ZFHX3: variants seen among roughly 807,000 people sequenced by gnomAD.
The protein encoded by ZFHX3 is zinc finger homeobox 3, also known as zinc finger homeobox protein 3.
In ZFHX3, 42 loss-of-function variants were observed where a neutral mutation model predicts 279.1. The ratio of observed to expected loss-of-function variants is 0.15; its 90% confidence interval spans 0.12 to 0.19. ZFHX3 has a LOEUF of 0.19. Among genes scored for constraint, ZFHX3 ranks in the 10% least tolerant of loss-of-function variants. The pLI is 1.00. For synonymous variants in ZFHX3, 2,293 were observed against 1,957.8 expected (o/e 1.17, Z -4.52); for missense variants, 4,981 against 4,754.0 (o/e 1.05, Z -1.40).
intron 1 of ZFHX3, among the ~76,000 whole-genome samples, chr16:73,849,772 GC>G: frequency 6.6e-6 from 1 of 152,108 alleles, no homozygotes; most frequent in Non-Finnish European, 1.5e-5. Flanking sequence ...TCGCTCTGTC[GC>G]CCAGGCTAGA....
At position 73,792,638 on chromosome 16, in the gene ZFHX3, T is replaced by C. The variant is rs944229166; in HGVS notation, c.-1608+99013A>G. 3.3e-4 allele frequency among the ~76,000 whole-genome samples: 50 copies of C among 152,118 alleles called. 1 individual carries two copies. The highest frequency in any genetic ancestry group is 3.2e-3 in the Admixed American group (49 of 15,276). ...CCTCCTTTAAGTTAAAAGGGTGAAA[T>C]TGTGGACCTAAGGGCTGATTTACAG... On this transcript the variant is annotated intron_variant, in intron 1 of 17. Transcript: ENST00000641206.
chr16:73,865,401 G>A (rs750975284), intron 1 of ZFHX3, among the ~76,000 whole-genome samples: 11 of 152,164 alleles, frequency 7.2e-5, no homozygotes, highest in African/African-American at 1.4e-4. Flanking sequence ...GTTTGGGGCC[G>A]GTGTGGGGTG....
intron 2 of ZFHX3, among the ~76,000 whole-genome samples, chr16:73,554,493 G>T (rs757729059): frequency 2.0e-5 from 3 of 152,130 alleles, no homozygotes; most frequent in Admixed American, 6.5e-5. Flanking sequence ...ACTTAAACGC[G>T]CTGTAGACAG....
At chr16:73,613,022 G>A (rs1015646570) in intron 2 of ZFHX3, among the ~76,000 whole-genome samples, 24 of 152,146 alleles carry the variant, frequency 1.6e-4, no homozygotes, top group Non-Finnish European at 2.9e-5. Context: ...TCTCTAAGAG[G>A]AAAGACTAAT....
intron 3 of ZFHX3, among the ~76,000 whole-genome samples, chr16:73,344,944 G>A (rs1233559861): frequency 6.6e-6 from 1 of 152,188 alleles, no homozygotes; most frequent in Non-Finnish European, 1.5e-5. Context: ...ACACCTGCTT[G>A]TGAATCTGGG....
At chr16:72,831,920 G>A (rs565341901) in intron 4 of ZFHX3, among the ~76,000 whole-genome samples, 5 of 152,044 alleles carry the variant, frequency 3.3e-5, no homozygotes, top group Non-Finnish European at 5.9e-5. Context: ...CAAGGTCATC[G>A]CCAAGGTCTG....
At chr16:73,080,078 T>C (rs1269107370) in intron 8 of ZFHX3, among the ~76,000 whole-genome samples, 2 of 152,184 alleles carry the variant, frequency 1.3e-5, no homozygotes, top group African/African-American at 2.4e-5. Context: ...CCCTTTGCCT[T>C]CCTGTTTCCA....
chr16:73,818,324 T>G (rs1051244902), intron 1 of ZFHX3, among the ~76,000 whole-genome samples: 8 of 152,230 alleles, frequency 5.3e-5, no homozygotes, highest in African/African-American at 1.9e-4. Context: ...GGATTTCAGC[T>G]TGTATGGAAG....
At chr16:73,707,825 A>G (rs991681257) in intron 1 of ZFHX3, among the ~76,000 whole-genome samples, 1 of 152,086 alleles carries the variant, frequency 6.6e-6, no homozygotes, top group Non-Finnish European at 1.5e-5. Context: ...AAAAAAGTGG[A>G]GAATGATAAA....
In ZFHX3 at chr16:73,010,024, GAAAAAAA is replaced by G. The variant is rs10709712; in HGVS notation, c.-50+37721_-50+37727del. On this transcript the variant is annotated intron_variant, in intron 1 of 9. Transcript: ENST00000268489. ...TTACAGAGCGAGACTCCCTCTCAAA[GAAAAAAA>G]AAAAAAAAAAAACTCATAAAGGTAC... Among the ~76,000 whole-genome samples the G allele has an allele frequency of 5.6e-3, 476 of 84,654 alleles. 3 individuals are homozygous for G. Among genetic ancestry groups the G allele is most frequent in the African/African-American group, 0.018 (449 of 24,818 alleles). The allele number at this position is 84,654 out of a possible 152,430, so 55.5% of individuals were successfully genotyped here. A position where few individuals can be genotyped will look rare whatever the true frequency, so the allele number is the denominator to read the frequency against.
chr16:73,568,676 C>T (rs137871707), intron 2 of ZFHX3, among the ~76,000 whole-genome samples: 2,297 of 152,344 alleles, frequency 0.015, 19 homozygotes, highest in Middle Eastern at 0.031. Flanking sequence ...CCATTCACCA[C>T]CGTCATTGCC....
At chr16:73,160,524 C>A (rs532152540) in intron 5 of ZFHX3, among the ~76,000 whole-genome samples, 1 of 151,948 alleles carries the variant, frequency 6.6e-6, no homozygotes, top group Admixed American at 6.5e-5. Context: ...TTTTTTTTTC[C>A]TACCCCACAG....
chr16:73,823,407 T>C (rs60559383), intron 1 of ZFHX3, among the ~76,000 whole-genome samples: 3,568 of 152,130 alleles, frequency 0.023, 116 homozygotes, highest in African/African-American at 0.074. Flanking sequence ...CAATGACAGA[T>C]GAAAGGCAAC....
At chr16:73,837,042 C>T (rs1212610275) in intron 1 of ZFHX3, among the ~76,000 whole-genome samples, 1 of 152,112 alleles carries the variant, frequency 6.6e-6, no homozygotes, top group East Asian at 1.9e-4. Flanking sequence ...GAATCATGAG[C>T]CAAATAAACT....
chr16:73,368,164 C>A (rs941989624), intron 3 of ZFHX3, among the ~76,000 whole-genome samples: 14 of 152,186 alleles, frequency 9.2e-5, no homozygotes, highest in Non-Finnish European at 2.1e-4. Flanking sequence ...AACCACTGCA[C>A]CCAGCTGCAA....
intron 1 of ZFHX3, among the ~76,000 whole-genome samples, chr16:73,032,834 A>G (rs1964758596): frequency 1.3e-5 from 2 of 152,126 alleles, no homozygotes; most frequent in Admixed American, 1.3e-4. Context: ...CCTAATACCC[A>G]TTTGTATTCA....
At chr16:73,220,492 T>C (rs2012376422) in intron 5 of ZFHX3, among the ~76,000 whole-genome samples, 1 of 152,166 alleles carries the variant, frequency 6.6e-6, no homozygotes, top group African/African-American at 2.4e-5. Flanking sequence ...GGATGTTAAA[T>C]AGATGCAGTT....
intron 7 of ZFHX3, among the ~76,000 whole-genome samples, chr16:73,118,962 T>C (rs1966463613): frequency 6.6e-6 from 1 of 152,140 alleles, no homozygotes; most frequent in South Asian, 2.1e-4. Context: ...CCTGAATAAC[T>C]TGAGCCAGGC....
chr16:73,164,006 G>T (rs764711672), intron 5 of ZFHX3, among the ~76,000 whole-genome samples: 5 of 152,138 alleles, frequency 3.3e-5, no homozygotes, highest in African/African-American at 9.7e-5. Flanking sequence ...TTGGTTAAAA[G>T]CCTGGCTGTA....
Sources: gnomAD v4.1 joint callset for allele counts (sites outside exome capture counted in the v4.1 genomes callset) on GRCh38, gnomAD v4.1.1 for gene constraint, MANE v1.5 for transcripts, NCBI Gene and HGNC (gene_info 2026-07-23, HGNC 2026-07-21) for gene names.